Variants in COPB1 observed in about 807,000 individuals in gnomAD.
The protein encoded by COPB1 is coat protein complex I subunit beta 1.
Under a neutral mutation model 108.7 loss-of-function variants are expected in COPB1, and 21 were observed. The observed-to-expected ratio is 0.19, with a 90% CI of 0.14 to 0.28. The LOEUF is 0.28. COPB1 is among the 10% of genes least tolerant of loss of function. The probability of loss-of-function intolerance (pLI) is 1.00; values close to 1 mark genes in which losing one functional copy is unlikely to be tolerated. For synonymous variants in COPB1, 378 were observed against 386.8 expected (o/e 0.98, Z 0.27); for missense variants, 919 against 1,141.3 (o/e 0.81, Z 2.81).
In COPB1 at chr11:14,462,309, T is replaced by C. The variant is rs566401534; in HGVS notation, c.2411-978A>G. On this transcript the variant is annotated intron_variant, in intron 18 of 21. Coordinates refer to ENST00000439561, the MANE Select transcript of COPB1 (RefSeq NM_001144061.2). ...GTGCAGTGGCACAATCTCAGCTCACTGCAACCTCCACCCTTCGGGTTCAAA... is the reference window on the plus strand; with the variant it reads ...GTGCAGTGGCACAATCTCAGCTCACCGCAACCTCCACCCTTCGGGTTCAAA... Among the ~76,000 whole-genome samples the C allele has an allele frequency of 2.0e-5, 3 of 151,242 alleles. No individual in the cohort carries two copies. In the East Asian group the frequency reaches 5.9e-4, roughly 30 times the overall value.
intron 18 of COPB1, among the ~76,000 whole-genome samples, chr11:14,462,265 C>T (rs1230344979): frequency 6.8e-6 from 1 of 147,314 alleles, no homozygotes; most frequent in Non-Finnish European, 1.5e-5. Context: ...TGGAGTTTCA[C>T]TCTGTCACCC....
At position 14,499,770 on chromosome 11, in the gene COPB1, A is replaced by G. The variant is rs1272238889; in HGVS notation, c.-121T>C. On this transcript the variant is annotated 5_prime_UTR_variant, in exon 1 of 22. Coordinates refer to ENST00000439561, the MANE Select transcript of COPB1 (RefSeq NM_001144061.2). ...GCTCCGAGGGGCAGTGGTTTGGTGC[A>G]GCCGCGGATCCGTCTACTGCGGCTC... 1.3e-5 allele frequency: 2 copies of G among 152,522 alleles called. No individual in the cohort carries two copies. The highest frequency in any genetic ancestry group is 2.1e-4 in the South Asian group (1 of 4,826). 9.4% of individuals were successfully genotyped at this position (152,522 alleles called of 1,614,324 possible).
chr11:14,490,750 A>G, intron 4 of COPB1, 71 bp from the exon 5 acceptor site: 1 of 772,364 alleles, frequency 1.3e-6, no homozygotes, highest in Non-Finnish European at 2.1e-6. Context: ...TCTCTGGACA[A>G]TACCAAAATT....
At chr11:14,490,831 C>T (rs1850881669) in intron 4 of COPB1, 152 bp from the exon 5 acceptor site, 1 of 552,114 alleles carries the variant, frequency 1.8e-6, no homozygotes, top group African/African-American at 1.9e-5. Context: ...ACTCTGTTGC[C>T]TGGGCTGGAG....
At chr11:14,498,710 C>T (rs1851081788) in intron 2 of COPB1, 128 bp downstream of exon 2, 3 of 674,184 alleles carry the variant, frequency 4.4e-6, no homozygotes, top group East Asian at 2.9e-5. Context: ...AAAGGTCTAT[C>T]GAAGAGATCC....
At chr11:14,481,377 G>C (rs1432169022) in intron 8 of COPB1, among the ~76,000 whole-genome samples, 1 of 152,148 alleles carries the variant, frequency 6.6e-6, no homozygotes, top group Non-Finnish European at 1.5e-5. Context: ...AGAAGTCAAA[G>C]AACAAGCTAA....
chr11:14,463,566 C>T (rs565549820), intron 18 of COPB1, among the ~76,000 whole-genome samples: 6 of 152,268 alleles, frequency 3.9e-5, no homozygotes, highest in South Asian at 2.1e-4. Context: ...GTAATCTGCC[C>T]GCCTCGGTCT....
In COPB1 at chr11:14,494,311, T is replaced by C. The variant is rs771560816; in HGVS notation, c.220A>G (p.Ile74Val). ...CAAAATACCAGAAGTAATTTCTTGA[T>C]AGTGTGATCCTGAAGAGGTAGCACA... ...RFVLPLQDHT[I>V]KKLLLVFWEI... Residue 74 changes from isoleucine to valine, a missense_variant, in exon 3 of 22, where the codon ATC (isoleucine) becomes GTC (valine). By Grantham distance (29) the Ile-to-Val change is conservative. Transcript: ENST00000439561. The C allele has an allele frequency of 1.4e-5, 22 of 1,613,684 alleles. No homozygotes were observed. In the East Asian group the frequency reaches 2.2e-4, roughly 16 times the overall value.
At chr11:14,477,200 G>A (rs1267569702) in intron 11 of COPB1, among the ~76,000 whole-genome samples, 185 bp from the exon 12 acceptor site, 3 of 151,070 alleles carry the variant, frequency 2.0e-5, no homozygotes, top group Non-Finnish European at 4.4e-5. Context: ...TGGCTAACAT[G>A]GTGAAATCAC....
In COPB1 at chr11:14,480,752, T is replaced by C. The variant is rs1024915213; in HGVS notation, c.1212+7A>G. 9.3e-6 allele frequency: 15 copies of C among 1,605,042 alleles called. No individual in the cohort carries two copies. Among genetic ancestry groups the C allele is most frequent in the Non-Finnish European group, 1.2e-5 (14 of 1,177,774 alleles). On this transcript the variant is annotated splice_region_variant and intron_variant, in intron 10 of 21. Transcript: ENST00000439561. ...ATTTCAAAATTAAAGTCATCAGAAT[T>C]ACATACCACAGGAATAACATTTGCA...
intron 18 of COPB1, 151 bp downstream of exon 18, chr11:14,464,760 A>G (rs1850243298): frequency 2.4e-6 from 2 of 848,356 alleles, no homozygotes; most frequent in Non-Finnish European, 3.5e-6. Flanking sequence ...CATCCAGAAC[A>G]TAGTTCAATG....
In COPB1 at chr11:14,482,664, A is replaced by G. The variant is rs1448628347; in HGVS notation, c.957+368T>C. 4.6e-5 allele frequency among the ~76,000 whole-genome samples: 7 copies of G among 151,996 alleles called. No individual in the cohort carries two copies. The East Asian group carries it at 1.4e-3, about 29-fold the overall frequency. Reference sequence around the variant, plus strand: ...ATTCTCCTGCCTCAGCCTCCCAAGTAGTTGGGATTACAGGCGCACTTCACC... The same window carrying G: ...ATTCTCCTGCCTCAGCCTCCCAAGTGGTTGGGATTACAGGCGCACTTCACC... On this transcript the variant is annotated intron_variant, in intron 8 of 21. Transcript: ENST00000439561.
chr11:14,483,176 TAAG>T (rs1850699451), intron 7 of COPB1, 25 bp from the exon 8 acceptor site: 4 of 1,500,220 alleles, frequency 2.7e-6, no homozygotes, highest in African/African-American at 1.4e-5. Context: ...AAATACATTT[TAAG>T]AAGTTATTCA....
chr11:14,471,653 C>T (rs1170265655), intron 14 of COPB1, among the ~76,000 whole-genome samples: 1 of 152,162 alleles, frequency 6.6e-6, no homozygotes, highest in Admixed American at 6.5e-5. Flanking sequence ...CACGGTGGCT[C>T]ATGCCTGTAA....
chr11:14,482,469 C>T (rs1027586597), intron 8 of COPB1, among the ~76,000 whole-genome samples: 7 of 152,022 alleles, frequency 4.6e-5, no homozygotes, highest in African/African-American at 4.8e-5. Context: ...ATGTCACTGT[C>T]GCTAAGAATA....
chr11:14,481,798 C>CT (rs901427333), intron 8 of COPB1, among the ~76,000 whole-genome samples: 4 of 151,882 alleles, frequency 2.6e-5, no homozygotes, highest in South Asian at 2.1e-4. Flanking sequence ...TTGCTCTTTT[C>CT]TTTTTTTTGA....
At position 14,474,531 on chromosome 11, in the gene COPB1, G is replaced by A. The variant is rs1401676363; in HGVS notation, c.1701C>T (p.Arg567=). 2.5e-6 allele frequency: 4 copies of A among 1,613,846 alleles called. No individual in the cohort carries two copies. In the South Asian group the frequency reaches 4.4e-5, roughly 18 times the overall value. Residue 567 remains arginine, a synonymous_variant, in exon 14 of 22, where the codon CGC becomes CGT. Coordinates refer to ENST00000439561, the MANE Select transcript of COPB1 (RefSeq NM_001144061.2). ...LATTLTKIAL[R]YVALVQEKKK... is the part of the protein sequence containing the mutation. ...TCTTCTCCTGAACCAAAGCTACATAGCGCAATGCAATCTTGGTCAGAGTTG... is the reference window on the plus strand; with the variant it reads ...TCTTCTCCTGAACCAAAGCTACATAACGCAATGCAATCTTGGTCAGAGTTG...
intron 21 of COPB1, among the ~76,000 whole-genome samples, chr11:14,458,158 C>A (rs996477273): frequency 7.0e-6 from 1 of 143,062 alleles, no homozygotes; most frequent in Admixed American, 7.4e-5. Flanking sequence ...CAGCTCACTG[C>A]AACCTCCACC....
chr11:14,466,494 A>C, intron 16 of COPB1, 68 bp from the exon 17 acceptor site: 8 of 1,480,300 alleles, frequency 5.4e-6, no homozygotes, highest in Non-Finnish European at 7.4e-6. Context: ...CCCTGGCCAA[A>C]TGATTAAGTC....
Sources: gnomAD v4.1 joint callset for allele counts (sites outside exome capture counted in the v4.1 genomes callset) on GRCh38, gnomAD v4.1.1 for gene constraint, MANE v1.5 for transcripts, NCBI Gene and HGNC (gene_info 2026-07-23, HGNC 2026-07-21) for gene names.